The following ATXN7L1 variants were observed in gnomAD, a reference collection of about 807,000 sequenced individuals.
ATXN7L1 encodes the protein ataxin 7 like 1.
A neutral mutation model predicts 70.8 loss-of-function variants in ATXN7L1; 15 were observed. The observed-to-expected ratio is 0.21, with a 90% CI of 0.14 to 0.33. ATXN7L1 has a LOEUF of 0.33. Among genes scored for constraint, ATXN7L1 ranks in the 10% least tolerant of loss-of-function variants. The pLI is 1.00. For missense variants in ATXN7L1, 975 were observed against 1,097.1 expected (o/e 0.89, Z 1.57); for synonymous variants, 440 against 445.1 (o/e 0.99, Z 0.14).
chr7:105,823,004 G>T (rs1810376031), intron 2 of ATXN7L1, among the ~76,000 whole-genome samples: 1 of 152,010 alleles, frequency 6.6e-6, no homozygotes, highest in Admixed American at 6.6e-5. Flanking sequence ...ACTGATAAGG[G>T]TGCATGATTA....
intron 11 of ATXN7L1, among the ~76,000 whole-genome samples, chr7:105,609,081 C>A (rs1465997574): frequency 1.3e-5 from 2 of 152,204 alleles, no homozygotes; most frequent in Non-Finnish European, 2.9e-5. Context: ...AATACTGCTG[C>A]CATGAAACTG....
intron 2 of ATXN7L1, among the ~76,000 whole-genome samples, chr7:105,802,826 C>G (rs547170473): frequency 6.6e-6 from 1 of 152,322 alleles, no homozygotes; most frequent in Admixed American, 6.5e-5. Context: ...CCTCCCTGGG[C>G]TGCCCAGGGC....
chr7:105,797,727 T>G (rs966135432), intron 2 of ATXN7L1, among the ~76,000 whole-genome samples: 1 of 152,214 alleles, frequency 6.6e-6, no homozygotes, highest in Non-Finnish European at 1.5e-5. Flanking sequence ...TCTCTCCCAC[T>G]CACCTGGCCT....
intron 2 of ATXN7L1, among the ~76,000 whole-genome samples, chr7:105,842,748 A>G (rs180963354): frequency 2.7e-3 from 418 of 152,328 alleles, no homozygotes; most frequent in African/African-American, 9.6e-3. Context: ...CTGTATGCCT[A>G]ACCTTTTGAG....
At chr7:105,794,808 A>G (rs1045677936) in intron 2 of ATXN7L1, among the ~76,000 whole-genome samples, 14 of 152,166 alleles carry the variant, frequency 9.2e-5, no homozygotes, top group African/African-American at 3.4e-4. Context: ...TCCAATGTCT[A>G]TTGACTTAAT....
intron 2 of ATXN7L1, among the ~76,000 whole-genome samples, chr7:105,806,868 T>C (rs1264092929): frequency 6.6e-6 from 1 of 151,850 alleles, no homozygotes; most frequent in Non-Finnish European, 1.5e-5. Flanking sequence ...GGGGAAAAAA[T>C]AGGGTGTGGA....
At chr7:105,837,048 T>C (rs1039962781) in intron 2 of ATXN7L1, among the ~76,000 whole-genome samples, 1 of 152,106 alleles carries the variant, frequency 6.6e-6, no homozygotes, top group African/African-American at 2.4e-5. Flanking sequence ...CTTTTACTCA[T>C]GGTGGAAGAC....
chr7:105,772,792 C>T (rs911307452), intron 3 of ATXN7L1, among the ~76,000 whole-genome samples: 2 of 152,126 alleles, frequency 1.3e-5, no homozygotes, highest in Non-Finnish European at 2.9e-5. Flanking sequence ...GAATACTGTA[C>T]ACAAGAGAGA....
chr7:105,639,699 G>T (rs1797893592), intron 5 of ATXN7L1, 130 bp from the exon 6 acceptor site: 1 of 691,578 alleles, frequency 1.4e-6, no homozygotes, highest in Non-Finnish European at 2.4e-6. Flanking sequence ...TCTGTTTTTT[G>T]TTTTTTTGTG....
chr7:105,790,930 G>C (rs1470662672), intron 2 of ATXN7L1, among the ~76,000 whole-genome samples: 1 of 152,152 alleles, frequency 6.6e-6, no homozygotes, highest in Non-Finnish European at 1.5e-5. Context: ...TTCAACCTGT[G>C]TCTTTAATGA....
chr7:105,739,763 A>C (rs1418860844), intron 3 of ATXN7L1, among the ~76,000 whole-genome samples: 1 of 152,214 alleles, frequency 6.6e-6, no homozygotes, highest in Admixed American at 6.5e-5. Context: ...CGTTTTCAAC[A>C]AGTTCCCTAG....
chr7:105,798,753 A>T (rs925155149), intron 2 of ATXN7L1, among the ~76,000 whole-genome samples: 3 of 152,130 alleles, frequency 2.0e-5, no homozygotes, highest in African/African-American at 7.2e-5. Context: ...AAAAATAGCT[A>T]CCCTGAAGTA....
At chr7:105,711,931 C>T (rs1793971905) in intron 3 of ATXN7L1, among the ~76,000 whole-genome samples, 1 of 152,258 alleles carries the variant, frequency 6.6e-6, no homozygotes, top group Admixed American at 6.5e-5. Context: ...AGACTTCTGC[C>T]TAGACATCCA....
chr7:105,605,483 G>GGC lies in ATXN7L1; in HGVS notation c.*2368_*2369insGC, dbSNP rs1280933116. ...GCAGCATTCGATGAGGGTGGGGGGGGGGGTGGGGGCTCTTTATTCCAGCTT... is the reference window on the plus strand; with the variant it reads ...GCAGCATTCGATGAGGGTGGGGGGGGGCGGGTGGGGGCTCTTTATTCCAGCTT... On this transcript the variant is annotated 3_prime_UTR_variant, in exon 12 of 12. Coordinates refer to ENST00000419735, the MANE Select transcript of ATXN7L1 (RefSeq NM_020725.2). The GGC allele has an allele frequency of 1.0e-5, 1 of 96,060 alleles. No homozygotes were observed. The highest frequency in any genetic ancestry group is 2.2e-5 in the Non-Finnish European group (1 of 45,680). 6.0% of individuals were successfully genotyped at this position (96,060 alleles called of 1,614,324 possible). A position where few individuals can be genotyped will look rare whatever the true frequency, so the allele number is the denominator to read the frequency against.
At chr7:105,617,280 TC>T (rs1794058537) in intron 9 of ATXN7L1, among the ~76,000 whole-genome samples, 1 of 152,178 alleles carries the variant, frequency 6.6e-6, no homozygotes, top group Non-Finnish European at 1.5e-5. Context: ...TGCCTCGGCC[TC>T]CCAAAGTGCT....
chr7:105,784,125 C>T (rs1803922655), intron 3 of ATXN7L1, among the ~76,000 whole-genome samples: 1 of 152,132 alleles, frequency 6.6e-6, no homozygotes, highest in South Asian at 2.1e-4. Context: ...ACATGCCTGG[C>T]TAATTTTTAA....
At position 105,624,090 on chromosome 7, in the gene ATXN7L1, G is replaced by A. The variant is rs1218127835; in HGVS notation, c.1380C>T (p.His460=). The change falls in exon 8 of 12, where the codon CAC becomes CAT. Residue 460 remains histidine (H), a synonymous_variant. Coordinates refer to ENST00000419735, the MANE Select transcript of ATXN7L1 (RefSeq NM_020725.2). The part of the protein sequence containing the change: ...EKLDCQFSTH[H]PRPLAFCSFG... ...GGAGGCCTACCGCCAGAGGTCTGGG[G>A]TGGTGCGTGGAGAACTGACAGTCTA... 4.1e-6 allele frequency: 6 copies of A among 1,477,152 alleles called. No homozygotes were observed. The highest frequency in any genetic ancestry group is 4.6e-5 in the Admixed American group (2 of 43,938). 91.5% of individuals were successfully genotyped at this position (1,477,152 alleles called of 1,614,324 possible).
intron 8 of ATXN7L1, among the ~76,000 whole-genome samples, chr7:105,620,897 A>AG (rs1491181738): frequency 7.1e-3 from 4 of 562 alleles, no homozygotes; most frequent in East Asian, 0.5. Flanking sequence ...TGTCTCAGAG[A>AG]AAAAAAAAAA....
intron 3 of ATXN7L1, among the ~76,000 whole-genome samples, chr7:105,775,525 G>A (rs1229079514): frequency 1.3e-5 from 2 of 152,158 alleles, no homozygotes; most frequent in Non-Finnish European, 2.9e-5. Context: ...AGAATACTCC[G>A]AGGGCCTCCC....
Sources: gnomAD v4.1 joint callset for allele counts (sites outside exome capture counted in the v4.1 genomes callset) on GRCh38, gnomAD v4.1.1 for gene constraint, MANE v1.5 for transcripts, NCBI Gene and HGNC (gene_info 2026-07-23, HGNC 2026-07-21) for gene names.